RHOV: variants seen among roughly 807,000 people sequenced by gnomAD.
RHOV encodes ras homolog family member V.
In RHOV, 6 loss-of-function variants were observed where a neutral mutation model predicts 20.2. The observed-to-expected ratio is 0.30, with a 90% CI of 0.16 to 0.59. The LOEUF is 0.59. Among genes scored for constraint, RHOV ranks in the 20% least tolerant of loss-of-function variants. The pLI is 0.89. For synonymous variants in RHOV, 136 were observed against 142.3 expected (o/e 0.96, Z 0.31); for missense variants, 275 against 319.4 (o/e 0.86, Z 1.06).
rs1891902258 is a variant in RHOV at position 40,872,795 on chromosome 15, A to G, written c.*263T>C. 4 of 471,132 alleles carry G rather than the reference A, an allele frequency of 8.5e-6. No homozygotes were observed. Among genetic ancestry groups the G allele is most frequent in the Non-Finnish European group, 1.5e-5 (4 of 263,224 alleles). The allele number at this position is 471,132 out of a possible 1,614,324, so 29.2% of individuals were successfully genotyped here. ...CTGCTCGGAGGTGACTGACCCTGTT[A>G]GGACCATCCCATGAAAATCAAAGTG... is the stretch of plus-strand genomic sequence containing the variant. On this transcript the variant is annotated 3_prime_UTR_variant, in exon 3 of 3. Transcript: ENST00000220507.
At position 40,873,131 on chromosome 15, in the gene RHOV, T is replaced by C; in HGVS notation, c.638A>G (p.Glu213Gly). Residue 213 changes from glutamate (E) to glycine (G), a missense_variant, in exon 3 of 3, where the codon GAG becomes GGG. Coordinates refer to ENST00000220507, the MANE Select transcript of RHOV (RefSeq NM_133639.4). ...LSAIEHKARLEKKLNAKGVRT... is the reference protein window; with the variant it reads ...LSAIEHKARLGKKLNAKGVRT... ...CACACCTTTGGCATTCAGTTTCTTC[T>C]CCAGCCGGGCTTTGTGCTCAATGGC... 1.9e-6 allele frequency: 3 copies of C among 1,614,252 alleles called. No homozygotes were observed. Among genetic ancestry groups the C allele is most frequent in the South Asian group, 1.1e-5 (1 of 91,092 alleles).
rs1458350655 is a variant in RHOV, at chr15:40,872,246, G to A, written c.*812C>T. 6.6e-6 allele frequency: 1 copy of A among 152,316 alleles called. No individual in the cohort carries two copies. Among genetic ancestry groups the A allele is most frequent in the Non-Finnish European group, 1.5e-5 (1 of 68,124 alleles). 9.4% of individuals were successfully genotyped at this position (152,316 alleles called of 1,614,324 possible). A position where few individuals can be genotyped will look rare whatever the true frequency, so the allele number is the denominator to read the frequency against. ...ACTTAAGGTTTTATTTGCAGACTCT[G>A]CACTGCTCTAGCTTCTAGGCTGTGT... On this transcript the variant is annotated 3_prime_UTR_variant, in exon 3 of 3. Transcript: ENST00000220507.
intron 2 of RHOV, 38 bp from the exon 3 acceptor site, chr15:40,873,539 C>G: frequency 1.3e-6 from 2 of 1,592,778 alleles, no homozygotes; most frequent in Non-Finnish European, 1.7e-6. Flanking sequence ...ATTAGCCCCC[C>G]GACACATGGA....
At position 40,873,692 on chromosome 15, in the gene RHOV, C is replaced by G. The variant is rs1230504623; in HGVS notation, c.259G>C (p.Ala87Pro). ...APVRIELWDT[A>P]GQEDFDRLRS... ...CGCGCCCAGCTTCTCACCTGTCCCGCTGTGTCCCAGAGCTCAATGCGCACC... is the reference window on the plus strand; with the variant it reads ...CGCGCCCAGCTTCTCACCTGTCCCGGTGTGTCCCAGAGCTCAATGCGCACC... The change falls in exon 2 of 3, where the codon GCG becomes CCG. Residue 87 changes from alanine (A) to proline (P), a missense_variant. Physicochemically the swap from Ala to Pro is conservative, Grantham distance 27. Coordinates refer to ENST00000220507, the MANE Select transcript of RHOV (RefSeq NM_133639.4). 1.9e-6 allele frequency: 3 copies of G among 1,613,960 alleles called. No individual in the cohort carries two copies. The African/African-American group carries it at 4.0e-5, about 22-fold the overall frequency.
chr15:40,873,800 C>T, intron 1 of RHOV, 58 bp from the exon 2 acceptor site: 1 of 1,585,996 alleles, frequency 6.3e-7, no homozygotes, highest in Non-Finnish European at 8.6e-7. Context: ...GCCGCACCAG[C>T]GCCACCTCGG....
Position 40,873,349 on chromosome 15 carries a change from C to T in RHOV, c.420G>A (p.Leu140=), listed in dbSNP as rs1471290104. The T allele has an allele frequency of 2.5e-6, 4 of 1,613,134 alleles. No homozygotes were observed. In the African/African-American group the frequency reaches 5.3e-5, roughly 22 times the overall value. ...RTHNPQAPVL[L]VGTQADLRDD... ...CCCTCAGGTCGGCCTGGGTGCCCAC[C>T]AGCAGCACAGGCGCCTGGGGGTTGT... Residue 140 remains leucine (L), a synonymous_variant, in exon 3 of 3, where the codon CTG becomes CTA. Coordinates refer to ENST00000220507, the MANE Select transcript of RHOV (RefSeq NM_133639.4).
Position 40,873,257 on chromosome 15 carries a change from G to A in RHOV, c.512C>T (p.Ala171Val). 1.2e-6 allele frequency: 2 copies of A among 1,614,178 alleles called. No homozygotes were observed. The highest frequency in any genetic ancestry group is 1.1e-5 in the South Asian group (1 of 91,088). The change falls in exon 3 of 3, where the codon GCT (alanine) becomes GTT (valine). Residue 171 changes from alanine to valine, a missense_variant. Physicochemically the swap from Ala to Val is moderately conservative, Grantham distance 64. Coordinates refer to ENST00000220507, the MANE Select transcript of RHOV (RefSeq NM_133639.4). ...GREGPVPQPQ[A>V]QGLAEKIRAC... ...TCGGATCTTCTCGGCCAGACCCTGA[G>A]CCTGGGGTTGGGGCACGGGGCCCTC...
intron 2 of RHOV, 38 bp downstream of exon 2, chr15:40,873,646 T>G (rs1891919774): frequency 6.2e-7 from 1 of 1,610,444 alleles, no homozygotes; most frequent in African/African-American, 1.3e-5. Flanking sequence ...CCAGCCCATC[T>G]CCCCGCAGAC....
At position 40,872,775 on chromosome 15, in the gene RHOV, C is replaced by T. The variant is rs1179119727; in HGVS notation, c.*283G>A. ...CAAGAAACTGGGTTCCCAAACTGCTCGGAGGTGACTGACCCTGTTAGGACC... is the reference window on the plus strand; with the variant it reads ...CAAGAAACTGGGTTCCCAAACTGCTTGGAGGTGACTGACCCTGTTAGGACC... On this transcript the variant is annotated 3_prime_UTR_variant, in exon 3 of 3. Coordinates refer to ENST00000220507, the MANE Select transcript of RHOV (RefSeq NM_133639.4). 2.4e-5 allele frequency: 9 copies of T among 373,084 alleles called. No homozygotes were observed. Among genetic ancestry groups the T allele is most frequent in the Admixed American group, 1.3e-4 (3 of 22,762 alleles). 23.1% of individuals were successfully genotyped at this position (373,084 alleles called of 1,614,324 possible).
Position 40,872,686 on chromosome 15 carries a change from C to G in RHOV, c.*372G>C, listed in dbSNP as rs548063507. 5.1e-6 allele frequency: 1 copy of G among 195,352 alleles called. No individual in the cohort carries two copies. Among genetic ancestry groups the G allele is most frequent in the Middle Eastern group, 4.8e-4 (1 of 2,066 alleles). The allele number at this position is 195,352 out of a possible 1,614,324, so 12.1% of individuals were successfully genotyped here. ...TCCATAATGCCAAGCGTTCCCCAAG[C>G]TCTTTCTCACCCCTGTGCCAAGGAA... On this transcript the variant is annotated 3_prime_UTR_variant, in exon 3 of 3. Transcript: ENST00000220507.
intron 2 of RHOV, 87 bp downstream of exon 2, chr15:40,873,597 G>C (rs967136394): frequency 6.3e-7 from 1 of 1,586,016 alleles, no homozygotes; most frequent in African/African-American, 1.3e-5. Context: ...AAGAGCCCAA[G>C]GCTTTCTCCA....
chr15:40,873,817 C>A, intron 1 of RHOV, 75 bp from the exon 2 acceptor site: 1 of 1,551,102 alleles, frequency 6.4e-7, no homozygotes. Flanking sequence ...TCGGGGCCTG[C>A]TCCAGTCTCC....
At position 40,873,205 on chromosome 15, in the gene RHOV, G is replaced by A. The variant is rs140820332; in HGVS notation, c.564C>T (p.Ala188=). ...IRACCYLECS[A]LTQKNLKEVF... is the part of the protein sequence containing the mutation. ...CTTCCTTCAAGTTCTTCTGCGTCAA[G>A]GCTGAGCACTCAAGGTAGCAGCAGG... Residue 188 remains alanine (A), a synonymous_variant, in exon 3 of 3, where the codon GCC becomes GCT. Transcript: ENST00000220507. The A allele has an allele frequency of 2.5e-6, 4 of 1,614,132 alleles. No homozygotes were observed. In the African/African-American group the frequency reaches 4.0e-5, roughly 16 times the overall value.
At position 40,873,265 on chromosome 15, in the gene RHOV, T is replaced by C. The variant is rs1251835647; in HGVS notation, c.504A>G (p.Gln168=). 5 of 1,613,958 alleles carry C rather than the reference T, an allele frequency of 3.1e-6. No individual in the cohort carries two copies. Among genetic ancestry groups the C allele is most frequent in the Admixed American group, 1.7e-5 (1 of 59,994 alleles). ...TCTCGGCCAGACCCTGAGCCTGGGG[T>C]TGGGGCACGGGGCCCTCCCGGCCCC... is the stretch of plus-strand genomic sequence containing the variant. ...DQGGREGPVP[Q]PQAQGLAEKI... is the part of the protein sequence containing the mutation. Residue 168 remains glutamine, a synonymous_variant, in exon 3 of 3, where the codon CAA becomes CAG. Coordinates refer to ENST00000220507, the MANE Select transcript of RHOV (RefSeq NM_133639.4).
chr15:40,873,816 G>T, intron 1 of RHOV, 74 bp from the exon 2 acceptor site: 1 of 1,558,884 alleles, frequency 6.4e-7, no homozygotes, highest in Non-Finnish European at 8.8e-7. Context: ...CTCGGGGCCT[G>T]CTCCAGTCTC....
At position 40,873,199 on chromosome 15, in the gene RHOV, C is replaced by A; in HGVS notation, c.570G>T (p.Thr190=). 1.2e-6 allele frequency: 2 copies of A among 1,614,246 alleles called. No homozygotes were observed. Among genetic ancestry groups the A allele is most frequent in the African/African-American group, 1.3e-5 (1 of 75,078 alleles). ...CAAATACTTCCTTCAAGTTCTTCTG[C>A]GTCAAGGCTGAGCACTCAAGGTAGC... The part of the protein sequence containing the change: ...ACCYLECSAL[T]QKNLKEVFDS... The change falls in exon 3 of 3, where the codon ACG becomes ACT. Residue 190 remains threonine, a synonymous_variant. Transcript: ENST00000220507.
Position 40,874,101 on chromosome 15 carries a change from CG to C in RHOV, c.38del (p.Pro13ArgfsTer135), listed in dbSNP as rs1202401866. Reference sequence around the variant, plus strand: ...GCGGGGGAGGGGTCGGGGCCCGGAGCGGGGGCGGCTCGGCCTCGCTCAGCTC... The same window carrying C: ...GCGGGGGAGGGGTCGGGGCCCGGAGCGGGGCGGCTCGGCCTCGCTCAGCTC... ...PRELSEAEPP[P>X]LRAPTPPPRR... is the part of the protein sequence containing the mutation. On this transcript the variant is annotated frameshift_variant, in exon 1 of 3. Coordinates refer to ENST00000220507, the MANE Select transcript of RHOV (RefSeq NM_133639.4). LOFTEE classifies it high-confidence loss of function. The C allele has an allele frequency of 2.1e-6, 3 of 1,443,368 alleles. No homozygotes were observed. The highest frequency in any genetic ancestry group is 1.5e-5 in the African/African-American group (1 of 67,116). The allele number at this position is 1,443,368 out of a possible 1,614,324, so 89.4% of individuals were successfully genotyped here. A position where few individuals can be genotyped will look rare whatever the true frequency, so the allele number is the denominator to read the frequency against.
In RHOV at chr15:40,872,939, G is replaced by C. The variant is rs1891904894; in HGVS notation, c.*119C>G. 1.4e-6 allele frequency: 1 copy of C among 714,496 alleles called. No individual in the cohort carries two copies. Among genetic ancestry groups the C allele is most frequent in the African/African-American group, 1.8e-5 (1 of 56,680 alleles). The allele number at this position is 714,496 out of a possible 1,614,324, so 44.3% of individuals were successfully genotyped here. A position where few individuals can be genotyped will look rare whatever the true frequency, so the allele number is the denominator to read the frequency against. ...GCCCATGTCCCCCGAGTGTTCAGAA[G>C]GGAACTGAGTCCTATGAGGTGGCCA... On this transcript the variant is annotated 3_prime_UTR_variant, in exon 3 of 3. Coordinates refer to ENST00000220507, the MANE Select transcript of RHOV (RefSeq NM_133639.4).
chr15:40,872,707 A>G lies in RHOV; in HGVS notation c.*351T>C. Reference sequence around the variant, plus strand: ...CAAGCTCTTTCTCACCCCTGTGCCAAGGAAGGGTCCTAATTCAGCCAGGCT... The same window carrying G: ...CAAGCTCTTTCTCACCCCTGTGCCAGGGAAGGGTCCTAATTCAGCCAGGCT... On this transcript the variant is annotated 3_prime_UTR_variant, in exon 3 of 3. Transcript: ENST00000220507. 1 of 224,558 alleles carries G rather than the reference A, an allele frequency of 4.5e-6. No homozygotes were observed. The highest frequency in any genetic ancestry group is 8.8e-6 in the Non-Finnish European group (1 of 113,822). The allele number at this position is 224,558 out of a possible 1,614,324, so 13.9% of individuals were successfully genotyped here.
Sources: gnomAD v4.1 joint callset for allele counts on GRCh38, gnomAD v4.1.1 for gene constraint, MANE v1.5 for transcripts, NCBI Gene and HGNC (gene_info 2026-07-23, HGNC 2026-07-21) for gene names.